Variants in MAU2 observed in about 807,000 individuals in gnomAD.
MAU2 encodes MAU2 chromatid cohesion factor homolog.
Under a neutral mutation model 89.1 loss-of-function variants are expected in MAU2, and 9 were observed. That is an observed-to-expected ratio of 0.10 (90% CI 0.06 to 0.18). The LOEUF (loss-of-function observed/expected upper bound fraction) is 0.18, where lower values mean the gene tolerates loss of function less well. Among genes scored for constraint, MAU2 ranks in the 10% least tolerant of loss-of-function variants. The probability of loss-of-function intolerance (pLI) is 1.00; values close to 1 mark genes in which losing one functional copy is unlikely to be tolerated. For synonymous variants in MAU2, 357 were observed against 343.4 expected, an observed-to-expected ratio of 1.04 and a Z score of -0.44; for missense variants, 425 against 803.5, an observed-to-expected ratio of 0.53 and a Z score of 5.69.
At chr19:19,347,118 G>C in intron 12 of MAU2, 162 bp from the exon 13 acceptor site, 3 of 597,352 alleles carry the variant, frequency 5.0e-6, no homozygotes, top group Non-Finnish European at 9.0e-6. Flanking sequence ...AGAAGTAATA[G>C]CTGTGTTATC....
intron 1 of MAU2, among the ~76,000 whole-genome samples, chr19:19,326,659 C>T (rs1053728672): frequency 2.8e-5 from 4 of 141,606 alleles, no homozygotes; most frequent in African/African-American, 1.0e-4. Context: ...GCACTCCAGA[C>T]TGGGCGAAAG....
chr19:19,337,125 TTTTTTTTTTTTCTTAC>T, intron 3 of MAU2, 29 bp from the exon 4 acceptor site: 1 of 1,171,958 alleles, frequency 8.5e-7, no homozygotes, highest in Non-Finnish European at 1.2e-6. Context: ...TGCCGCCTTG[TTTTTTTTTTTTCTTAC>T]ATTCCCAAAC....
chr19:19,357,086 G>A lies in MAU2; in HGVS notation c.*1304G>A, dbSNP rs73526581. On this transcript the variant is annotated 3_prime_UTR_variant, in exon 19 of 19. Coordinates refer to ENST00000262815, the MANE Select transcript of MAU2 (RefSeq NM_015329.4). ...TGGAACTGCCTCTGGGAGCTTTGGC[G>A]TCTGTGACTAAAGGGACGCTGGATT... 0.028 allele frequency: 4,202 copies of A among 152,372 alleles called. 185 individuals are homozygous for A. The highest frequency in any genetic ancestry group is 0.092 in the African/African-American group (3,812 of 41,498). 9.4% of individuals were successfully genotyped at this position (152,372 alleles called of 1,614,324 possible).
chr19:19,321,739 G>A (rs527781793), intron 1 of MAU2: 1 of 152,192 alleles, frequency 6.6e-6, no homozygotes, highest in African/African-American at 2.4e-5. Flanking sequence ...CTGAGACCCG[G>A]AGTCTGGAGT....
chr19:19,339,828 AG>A (rs1266650143), intron 5 of MAU2: 17 of 151,786 alleles, frequency 1.1e-4, no homozygotes, highest in African/African-American at 3.9e-4. Flanking sequence ...GTTTGAGACC[AG>A]CCTGGCCAAC....
intron 7 of MAU2, 21 bp from the exon 8 acceptor site, chr19:19,342,514 T>C: frequency 6.5e-7 from 1 of 1,537,440 alleles, no homozygotes; most frequent in Non-Finnish European, 8.8e-7. Flanking sequence ...AGGTGGATGC[T>C]CGGGTGTGGG....
intron 1 of MAU2, among the ~76,000 whole-genome samples, chr19:19,323,385 G>T (rs1204341940): frequency 2.0e-5 from 3 of 152,060 alleles, no homozygotes; most frequent in Non-Finnish European, 4.4e-5. Flanking sequence ...AGTAGAGACA[G>T]AGTTTCACCA....
chr19:19,357,809 T>C lies in MAU2; in HGVS notation c.*2027T>C, dbSNP rs2048196507. On this transcript the variant is annotated 3_prime_UTR_variant, in exon 19 of 19. Transcript: ENST00000262815. ...AAGCCAAATCATGTGCATGTGTGTG[T>C]GTGCGTGTGTGCAAGCTTTGAACCT... 1.3e-5 allele frequency: 2 copies of C among 152,160 alleles called. No homozygotes were observed. Among genetic ancestry groups the C allele is most frequent in the African/African-American group, 2.4e-5 (1 of 41,430 alleles). 9.4% of individuals were successfully genotyped at this position (152,160 alleles called of 1,614,324 possible).
chr19:19,338,142 A>G (rs765389771), intron 4 of MAU2, among the ~76,000 whole-genome samples: 33 of 152,338 alleles, frequency 2.2e-4, no homozygotes, highest in Admixed American at 6.5e-4. Flanking sequence ...CTGGCTGAGA[A>G]AAGTACGCAC....
intron 12 of MAU2, among the ~76,000 whole-genome samples, chr19:19,346,581 C>G (rs576026888): frequency 9.2e-5 from 14 of 152,260 alleles, no homozygotes; most frequent in Admixed American, 4.6e-4. Context: ...TCCTCTGGGC[C>G]TCCTGGGTGT....
chr19:19,340,817 G>C (rs778561985), intron 5 of MAU2, 29 bp from the exon 6 acceptor site: 2 of 1,612,698 alleles, frequency 1.2e-6, no homozygotes, highest in Non-Finnish European at 1.7e-6. Flanking sequence ...GGGCCTGCTA[G>C]GACCTGACCC....
chr19:19,323,153 C>T (rs1239942103), intron 1 of MAU2, among the ~76,000 whole-genome samples: 1 of 151,968 alleles, frequency 6.6e-6, no homozygotes, highest in Non-Finnish European at 1.5e-5. Context: ...TCCCAAAGTG[C>T]TGAGATTACA....
Position 19,338,871 on chromosome 19 carries a change from G to C in MAU2, c.483G>C (p.Leu161=), listed in dbSNP as rs542197684. 5.6e-6 allele frequency: 9 copies of C among 1,613,756 alleles called. No homozygotes were observed. The African/African-American group carries it at 9.3e-5, about 17-fold the overall frequency. ...AACTGCACACGCTTGAGAAGGACCT[G>C]GTGTCGGCCTGTGACCTCCTGGGTG... ...LAQLHTLEKD[L]VSACDLLGVG... is the part of the protein sequence containing the mutation. The change falls in exon 5 of 19, where the codon CTG becomes CTC. Residue 161 remains leucine (L), a synonymous_variant. Transcript: ENST00000262815.
intron 16 of MAU2, chr19:19,353,672 G>A (rs1185303570): frequency 3.9e-5 from 6 of 152,488 alleles, no homozygotes; most frequent in Admixed American, 1.3e-4. Flanking sequence ...TTGAGTCCTC[G>A]GTCCAGACAG....
chr19:19,332,898 G>A (rs1568653485), intron 1 of MAU2, among the ~76,000 whole-genome samples: 1 of 152,236 alleles, frequency 6.6e-6, no homozygotes, highest in East Asian at 1.9e-4. Flanking sequence ...CCAACGTAGA[G>A]AAACCCCATC....
intron 18 of MAU2, 143 bp downstream of exon 18, chr19:19,355,534 A>G (rs1316350326): frequency 2.3e-6 from 3 of 1,317,056 alleles, no homozygotes; most frequent in African/African-American, 2.9e-5. Flanking sequence ...GGAGATGGCC[A>G]TGGGCACCCC....
At chr19:19,336,320 G>A (rs993749559) in intron 3 of MAU2, 133 bp downstream of exon 3, 4 of 644,554 alleles carry the variant, frequency 6.2e-6, no homozygotes, top group South Asian at 5.4e-5. Flanking sequence ...CGGGGTGGGA[G>A]GACAGGGTCT....
intron 16 of MAU2, chr19:19,353,332 C>T (rs1169157003): frequency 6.6e-6 from 1 of 152,228 alleles, no homozygotes; most frequent in Non-Finnish European, 1.5e-5. Flanking sequence ...CAGCCAGGCT[C>T]ACAATAAGCC....
At chr19:19,327,700 C>T (rs2061522865) in intron 1 of MAU2, among the ~76,000 whole-genome samples, 2 of 151,972 alleles carry the variant, frequency 1.3e-5, no homozygotes, top group South Asian at 4.2e-4. Context: ...TTTTTGGGGT[C>T]ACAGTAGTTG....
Sources: gnomAD v4.1 joint callset for allele counts (sites outside exome capture counted in the v4.1 genomes callset) on GRCh38, gnomAD v4.1.1 for gene constraint, MANE v1.5 for transcripts, NCBI Gene and HGNC (gene_info 2026-07-23, HGNC 2026-07-21) for gene names.